MYPN: variants seen among roughly 807,000 people sequenced by gnomAD.
The protein encoded by MYPN is myopalladin, also known as sarcomeric protein myopalladin, 145 kDa (MYOP).
A neutral mutation model predicts 129.4 loss-of-function variants in MYPN; 63 were observed. The observed-to-expected ratio is 0.49, with a 90% CI of 0.40 to 0.60. MYPN has a LOEUF of 0.60. MYPN is among the 20% of genes least tolerant of loss of function. MYPN has a pLI of 0.00. For synonymous variants in MYPN, 629 were observed against 600.9 expected (o/e 1.05, Z -0.68); for missense variants, 1,596 against 1,635.4 (o/e 0.98, Z 0.42).
intron 1 of MYPN, among the ~76,000 whole-genome samples, chr10:68,111,286 A>G (rs903688096): frequency 1.3e-5 from 2 of 152,200 alleles, no homozygotes; most frequent in South Asian, 4.1e-4. Context: ...TGAAAAAGTG[A>G]GAGTTCAATT....
intron 1 of MYPN, among the ~76,000 whole-genome samples, chr10:68,098,246 CA>C (rs1408389846): frequency 6.7e-6 from 1 of 150,144 alleles, no homozygotes; most frequent in African/African-American, 2.4e-5. Context: ...ACTCTGTCTC[CA>C]AAAAAAAGAT....
At chr10:68,207,929 C>G (rs1258002231) in intron 19 of MYPN, among the ~76,000 whole-genome samples, 1 of 151,948 alleles carries the variant, frequency 6.6e-6, no homozygotes, top group African/African-American at 2.4e-5. Context: ...AAAGCTCCCC[C>G]ACACTTAAAT....
intron 12 of MYPN, among the ~76,000 whole-genome samples, chr10:68,176,900 A>G (rs569497571): frequency 6.6e-6 from 1 of 152,250 alleles, no homozygotes; most frequent in Admixed American, 6.5e-5. Flanking sequence ...AGCTCTATAC[A>G]TGTTGCTCTG....
chr10:68,102,481 G>A (rs911996648), upstream of MYPN, among the ~76,000 whole-genome samples: 2 of 152,038 alleles, frequency 1.3e-5, no homozygotes, highest in Non-Finnish European at 2.9e-5. Flanking sequence ...CAAAAAATGA[G>A]TCTTTGTATG....
upstream of MYPN, among the ~76,000 whole-genome samples, chr10:68,108,880 C>G (rs576000120): frequency 4.6e-5 from 7 of 152,268 alleles, no homozygotes; most frequent in South Asian, 1.5e-3. Flanking sequence ...GCCACCAAAC[C>G]TGGCTAATTT....
intron 1 of MYPN, among the ~76,000 whole-genome samples, chr10:68,097,978 G>A (rs2041964521): frequency 6.6e-6 from 1 of 152,176 alleles, no homozygotes; most frequent in Non-Finnish European, 1.5e-5. Flanking sequence ...GGGCATGGTG[G>A]CTCATGCCTG....
chr10:68,209,280 C>A (rs1029332735), intron 19 of MYPN, among the ~76,000 whole-genome samples: 6 of 152,174 alleles, frequency 3.9e-5, no homozygotes, highest in African/African-American at 1.4e-4. Flanking sequence ...CATGTTCAAA[C>A]CTTAAAGTCA....
intron 6 of MYPN, among the ~76,000 whole-genome samples, chr10:68,153,624 T>A (rs1441743805): frequency 6.6e-6 from 1 of 152,152 alleles, no homozygotes; most frequent in African/African-American, 2.4e-5. Flanking sequence ...GGATAGGCAG[T>A]GGCTCAGATT....
At chr10:68,088,863 A>G (rs999305426) in intron 1 of MYPN, among the ~76,000 whole-genome samples, 1 of 152,192 alleles carries the variant, frequency 6.6e-6, no homozygotes, top group African/African-American at 2.4e-5. Flanking sequence ...ATTTTAGAAC[A>G]TTTGTATCAC....
At chr10:68,147,360 T>C (rs915376594) in intron 4 of MYPN, among the ~76,000 whole-genome samples, 4 of 152,178 alleles carry the variant, frequency 2.6e-5, no homozygotes, top group African/African-American at 9.7e-5. Flanking sequence ...TTTCGCCATA[T>C]TGGCCAGGCT....
chr10:68,128,589 C>T (rs1447090208), intron 2 of MYPN, among the ~76,000 whole-genome samples: 2 of 152,102 alleles, frequency 1.3e-5, no homozygotes, highest in Non-Finnish European at 2.9e-5. Flanking sequence ...AACAAGACAG[C>T]CAAATTCCCT....
chr10:68,122,349 G>A lies in MYPN; in HGVS notation c.902+9G>A, dbSNP rs752824273. The A allele has an allele frequency of 1.9e-6, 3 of 1,612,430 alleles. No homozygotes were observed. Among genetic ancestry groups the A allele is most frequent in the Non-Finnish European group, 1.7e-6 (2 of 1,179,782 alleles). On this transcript the variant is annotated intron_variant, in intron 2 of 19. Coordinates refer to ENST00000358913, the MANE Select transcript of MYPN (RefSeq NM_032578.4). ...CCACCACCTCAAGTAAGGTAAAAATGTCCCATTGGTAATGCTGAGTAATGT... is the reference window on the plus strand; with the variant it reads ...CCACCACCTCAAGTAAGGTAAAAATATCCCATTGGTAATGCTGAGTAATGT...
chr10:68,107,368 T>C (rs1423680489), upstream of MYPN, among the ~76,000 whole-genome samples: 2 of 146,416 alleles, frequency 1.4e-5, no homozygotes, highest in Admixed American at 1.4e-4. Flanking sequence ...TTTGAGACAG[T>C]CTTGCTGTGT....
intron 1 of MYPN, among the ~76,000 whole-genome samples, chr10:68,092,999 C>T (rs1289135629): frequency 6.6e-6 from 1 of 152,106 alleles, no homozygotes; most frequent in Non-Finnish European, 1.5e-5. Flanking sequence ...AATGGGCCCA[C>T]AAATCCATGT....
In MYPN at chr10:68,175,367, C is replaced by G; in HGVS notation, c.2609C>G (p.Pro870Arg). The stretch of plus-strand genomic sequence containing the variant: ...AAGAAAAATACAAAGTCTCCTCAAC[C>G]AGTGAATGATGATAACATTCGTGAA... ...LAKKNTKSPQ[P>R]VNDDNIRETK... Residue 870 changes from proline to arginine, a missense_variant, in exon 12 of 20, where the codon CCA (proline) becomes CGA (arginine). Coordinates refer to ENST00000358913, the MANE Select transcript of MYPN (RefSeq NM_032578.4). 1 of 1,614,022 alleles carries G rather than the reference C, an allele frequency of 6.2e-7. No individual in the cohort carries two copies. The highest frequency in any genetic ancestry group is 1.1e-5 in the South Asian group (1 of 91,076).
chr10:68,182,431 A>ATG (rs1491539712), intron 12 of MYPN, among the ~76,000 whole-genome samples: 2 of 124,070 alleles, frequency 1.6e-5, no homozygotes, highest in African/African-American at 2.7e-5. Context: ...TATATAACAC[A>ATG]TATATATAAC....
chr10:68,174,955 T>G (rs960580987), intron 11 of MYPN, among the ~76,000 whole-genome samples: 1 of 152,054 alleles, frequency 6.6e-6, no homozygotes, highest in East Asian at 1.9e-4. Context: ...GGCAACATGG[T>G]GAAACCCCCG....
intron 1 of MYPN, among the ~76,000 whole-genome samples, chr10:68,088,419 A>T (rs1354399641): frequency 2.6e-5 from 4 of 152,178 alleles, no homozygotes; most frequent in Non-Finnish European, 5.9e-5. Flanking sequence ...AGAGCAATTG[A>T]GCTGATTGAG....
intron 19 of MYPN, among the ~76,000 whole-genome samples, chr10:68,207,611 T>C (rs949106934): frequency 2.9e-5 from 2 of 69,238 alleles, no homozygotes; most frequent in Admixed American, 2.6e-4. Context: ...AACAAATGTG[T>C]GTTGCTCCAA....
Sources: allele counts gnomAD v4.1 joint callset (sites outside exome capture counted in the v4.1 genomes callset), GRCh38; gene constraint gnomAD v4.1.1; transcripts MANE v1.5; gene names NCBI Gene and HGNC (gene_info 2026-07-23, HGNC 2026-07-21).